SLIT2: variants seen among roughly 807,000 people sequenced by gnomAD.
SLIT2 encodes the protein slit guidance ligand 2.
SLIT2 carries 41 observed loss-of-function variants against 185.7 expected under a neutral mutation model. The observed-to-expected ratio is 0.22, with a 90% CI of 0.17 to 0.29. The LOEUF (loss-of-function observed/expected upper bound fraction) is 0.29, where lower values mean the gene tolerates loss of function less well. Ranked by LOEUF, SLIT2 falls within the 10% of genes least tolerant of loss-of-function variation. The probability of loss-of-function intolerance (pLI) is 1.00; values close to 1 mark genes in which losing one functional copy is unlikely to be tolerated. For missense variants in SLIT2, 1,571 were observed against 1,909.0 expected (o/e 0.82, Z 3.30); for synonymous variants, 693 against 680.2 (o/e 1.02, Z -0.29).
chr4:20,445,404 TG>T (rs1279707217), intron 4 of SLIT2, among the ~76,000 whole-genome samples: 1 of 152,212 alleles, frequency 6.6e-6, no homozygotes, highest in Admixed American at 6.5e-5. Context: ...ATACAAACTC[TG>T]TAGGGATGCT....
At chr4:20,310,473 C>G (rs187583021) in intron 4 of SLIT2, among the ~76,000 whole-genome samples, 1 of 152,202 alleles carries the variant, frequency 6.6e-6, no homozygotes, top group Middle Eastern at 3.2e-3. Flanking sequence ...CACACTGAGA[C>G]TTTTCTCTTA....
In SLIT2 at chr4:20,593,542, A is replaced by G. The variant is rs184894529; in HGVS notation, c.3183-2155A>G. ...AGTTACAAGATGAATAATAAGTTCT[A>G]GAGATCTAATATCACAGCATGGTCA... On this transcript the variant is annotated intron_variant, in intron 30 of 36. Transcript: ENST00000504154. Among the ~76,000 whole-genome samples, 19 of 152,274 alleles carry G rather than the reference A, an allele frequency of 1.2e-4. No homozygotes were observed. In the East Asian group the frequency reaches 3.5e-3, roughly 28 times the overall value.
At chr4:20,412,558 G>A (rs752553154) in intron 4 of SLIT2, among the ~76,000 whole-genome samples, 3 of 151,924 alleles carry the variant, frequency 2.0e-5, no homozygotes, top group Non-Finnish European at 4.4e-5. Flanking sequence ...GAGTAGATAG[G>A]CAAATACTAT....
intron 4 of SLIT2, among the ~76,000 whole-genome samples, chr4:20,353,860 G>C (rs1577486610): frequency 6.6e-6 from 1 of 152,152 alleles, no homozygotes; most frequent in East Asian, 1.9e-4. Flanking sequence ...TAGAAGAAAT[G>C]TTGCAATAAA....
intron 4 of SLIT2, among the ~76,000 whole-genome samples, chr4:20,403,216 ATACATCTAGATTG>A (rs1726497206): frequency 6.6e-6 from 1 of 151,920 alleles, no homozygotes; most frequent in African/African-American, 2.4e-5. Flanking sequence ...CAAATGAAAA[ATACATCTAGATTG>A]TAACTATATT....
At chr4:20,286,558 T>C (rs552472153) in intron 4 of SLIT2, among the ~76,000 whole-genome samples, 1 of 152,284 alleles carries the variant, frequency 6.6e-6, no homozygotes, top group East Asian at 1.9e-4. Context: ...TCCCAGCACT[T>C]TGGGAGGCCG....
intron 4 of SLIT2, among the ~76,000 whole-genome samples, chr4:20,350,244 A>G (rs182682650): frequency 9.9e-5 from 15 of 152,162 alleles, no homozygotes; most frequent in Admixed American, 8.5e-4. Flanking sequence ...TTTTTATTAA[A>G]TAAGTCGATA....
chr4:20,415,659 C>T (rs1306528538), intron 4 of SLIT2, among the ~76,000 whole-genome samples: 1 of 152,002 alleles, frequency 6.6e-6, no homozygotes, highest in Non-Finnish European at 1.5e-5. Flanking sequence ...TCTCAAAGTT[C>T]CAGGTTGCTT....
At chr4:20,565,686 T>C (rs924498272) in intron 26 of SLIT2, among the ~76,000 whole-genome samples, 4 of 151,928 alleles carry the variant, frequency 2.6e-5, no homozygotes, top group African/African-American at 9.7e-5. Context: ...TAAGGGACAT[T>C]AGCACTGGCA....
chr4:20,487,808 G>A (rs192526917), intron 7 of SLIT2, among the ~76,000 whole-genome samples: 1 of 152,158 alleles, frequency 6.6e-6, no homozygotes, highest in Non-Finnish European at 1.5e-5. Flanking sequence ...CTTTGGTTGG[G>A]TCATTATTCT....
intron 4 of SLIT2, among the ~76,000 whole-genome samples, chr4:20,294,427 G>C (rs1037935492): frequency 2.0e-5 from 3 of 151,950 alleles, no homozygotes; most frequent in African/African-American, 4.8e-5. Context: ...ATATACAAAG[G>C]TCTCAGCCTC....
intron 4 of SLIT2, among the ~76,000 whole-genome samples, chr4:20,372,232 A>G (rs370319046): frequency 1.8e-4 from 28 of 152,206 alleles, no homozygotes; most frequent in African/African-American, 6.5e-4. Flanking sequence ...ACAGGTGAGG[A>G]AGCAATTATT....
intron 4 of SLIT2, among the ~76,000 whole-genome samples, chr4:20,270,739 G>T (rs2109032270): frequency 6.6e-6 from 1 of 152,016 alleles, no homozygotes; most frequent in East Asian, 1.9e-4. Context: ...TGATGGCCTA[G>T]CACTCAATAT....
intron 4 of SLIT2, among the ~76,000 whole-genome samples, chr4:20,377,065 A>G (rs1724084144): frequency 6.6e-6 from 1 of 152,158 alleles, no homozygotes; most frequent in South Asian, 2.1e-4. Context: ...GAAAGTATTC[A>G]ATACTGTATC....
intron 4 of SLIT2, among the ~76,000 whole-genome samples, chr4:20,302,918 TG>T (rs1342342206): frequency 6.6e-6 from 1 of 152,198 alleles, no homozygotes; most frequent in Non-Finnish European, 1.5e-5. Context: ...TTCACTTTTA[TG>T]ACTTCGTTAA....
intron 4 of SLIT2, among the ~76,000 whole-genome samples, chr4:20,405,122 T>A (rs1355898505): frequency 6.6e-6 from 1 of 151,968 alleles, no homozygotes; most frequent in African/African-American, 2.4e-5. Flanking sequence ...CCAAAAAGTT[T>A]ATAATCTATC....
intron 4 of SLIT2, among the ~76,000 whole-genome samples, chr4:20,449,477 C>T (rs1317840770): frequency 1.3e-5 from 2 of 152,046 alleles, no homozygotes; most frequent in South Asian, 2.1e-4. Context: ...GGTGCAATCT[C>T]GGCTCACTGC....
At chr4:20,402,473 A>G (rs1360628389) in intron 4 of SLIT2, among the ~76,000 whole-genome samples, 1 of 151,828 alleles carries the variant, frequency 6.6e-6, no homozygotes, top group Non-Finnish European at 1.5e-5. Flanking sequence ...TGTTATATTT[A>G]TTGTTGTAGT....
At chr4:20,552,286 CA>C (rs1723828521) in intron 25 of SLIT2, 1 of 151,894 alleles carries the variant, frequency 6.6e-6, no homozygotes, top group African/African-American at 2.4e-5. Context: ...AACTTCCCTT[CA>C]TGTTACCAGC....
Sources: gnomAD v4.1 joint callset for allele counts (sites outside exome capture counted in the v4.1 genomes callset) on GRCh38, gnomAD v4.1.1 for gene constraint, MANE v1.5 for transcripts, NCBI Gene and HGNC (gene_info 2026-07-23, HGNC 2026-07-21) for gene names.